SLC38A8: variants seen among roughly 807,000 people sequenced by gnomAD.
SLC38A8 encodes amino acid transporter SLC38A8.
A neutral mutation model predicts 46.0 loss-of-function variants in SLC38A8; 65 were observed. That is an observed-to-expected ratio of 1.41 (90% CI 1.16 to 1.74). SLC38A8 has a LOEUF of 1.74. SLC38A8 is among the 40% of genes most tolerant of loss of function. The probability of loss-of-function intolerance (pLI) is 0.00; values close to 1 mark genes in which losing one functional copy is unlikely to be tolerated. For missense variants in SLC38A8, 998 were observed against 567.9 expected (o/e 1.76, Z -7.70); for synonymous variants, 447 against 243.7 (o/e 1.83, Z -7.77).
At chr16:84,024,837 G>A (rs560936970) in intron 6 of SLC38A8, among the ~76,000 whole-genome samples, 45 of 152,090 alleles carry the variant, frequency 3.0e-4, no homozygotes, top group Middle Eastern at 3.4e-3. Context: ...TTACAGGCAC[G>A]CCCAGCTAAT....
At chr16:84,025,898 G>T (rs1027260143) in intron 6 of SLC38A8, among the ~76,000 whole-genome samples, 1 of 152,204 alleles carries the variant, frequency 6.6e-6, no homozygotes, top group African/African-American at 2.4e-5. Context: ...GGAGGGCTCT[G>T]CCAGCAGGGG....
At chr16:84,027,722 G>A (rs930270449) in intron 6 of SLC38A8, among the ~76,000 whole-genome samples, 1 of 152,126 alleles carries the variant, frequency 6.6e-6, no homozygotes, top group African/African-American at 2.4e-5. Flanking sequence ...CTTCATCTCG[G>A]CATCCCGTGT....
chr16:84,032,542 C>G (rs1156645358), intron 4 of SLC38A8, among the ~76,000 whole-genome samples: 2 of 152,158 alleles, frequency 1.3e-5, no homozygotes, highest in Non-Finnish European at 2.9e-5. Context: ...AATAGTGTTT[C>G]CTTCCCACCA....
Position 84,026,069 on chromosome 16 carries a change from G to C in SLC38A8, c.691-3180C>G, listed in dbSNP as rs565039621. On this transcript the variant is annotated intron_variant, in intron 6 of 10. Coordinates refer to ENST00000299709, the MANE Select transcript of SLC38A8 (RefSeq NM_001080442.3). ...CAGGCTCTGCCTTCAGGGCACGGCA[G>C]ATGCCCCGAGGTGGGGAGTCCCCGA... 2.6e-5 allele frequency among the ~76,000 whole-genome samples: 4 copies of C among 152,372 alleles called. No individual in the cohort carries two copies. In the South Asian group the frequency reaches 6.2e-4, roughly 24 times the overall value.
chr16:84,016,638 A>G lies in SLC38A8; in HGVS notation c.1043T>C (p.Met348Thr), dbSNP rs2085029638. Residue 348 changes from methionine to threonine, a missense_variant, in exon 9 of 11, where the codon ATG becomes ACG. By Grantham distance (81) the Met-to-Thr change is moderately conservative (BLOSUM62 -1). Transcript: ENST00000299709. ...LADPSGLWVR[M>T]PLTILWVTVT... ...GGTGACCCACAGGATGGTCAGCGGCATCCGGACCCACAGCCCTGAGGGGTC... is the reference window on the plus strand; with the variant it reads ...GGTGACCCACAGGATGGTCAGCGGCGTCCGGACCCACAGCCCTGAGGGGTC... 1.9e-6 allele frequency: 3 copies of G among 1,613,918 alleles called. No individual in the cohort carries two copies. The East Asian group carries it at 6.7e-5, about 36-fold the overall frequency.
intron 6 of SLC38A8, among the ~76,000 whole-genome samples, chr16:84,028,579 A>AC (rs1282205702): frequency 6.6e-6 from 1 of 151,194 alleles, no homozygotes; most frequent in Non-Finnish European, 1.5e-5. Flanking sequence ...AGAAAAAAAA[A>AC]AAAAGAAAGA....
intron 7 of SLC38A8, among the ~76,000 whole-genome samples, chr16:84,017,821 G>T (rs566441653): frequency 1.4e-4 from 21 of 152,278 alleles, no homozygotes; most frequent in Admixed American, 2.6e-4. Context: ...CTGAGAGATA[G>T]GTCTCTAAGA....
intron 3 of SLC38A8, among the ~76,000 whole-genome samples, chr16:84,034,525 T>G (rs1217244347): frequency 2.0e-5 from 3 of 152,088 alleles, no homozygotes; most frequent in Non-Finnish European, 2.9e-5. Context: ...CTGCAACCAC[T>G]GGAGATGGGA....
At chr16:84,025,190 G>A (rs983599748) in intron 6 of SLC38A8, among the ~76,000 whole-genome samples, 1 of 152,112 alleles carries the variant, frequency 6.6e-6, no homozygotes, top group African/African-American at 2.4e-5. Flanking sequence ...TGGGTTCAGG[G>A]TTCTTCCCAG....
intron 7 of SLC38A8, among the ~76,000 whole-genome samples, chr16:84,018,095 T>G (rs1454882196): frequency 2.0e-5 from 3 of 152,096 alleles, no homozygotes; most frequent in Non-Finnish European, 4.4e-5. Context: ...CTTCCTACAG[T>G]TATGAAGGCT....
chr16:84,031,965 G>T lies in SLC38A8; in HGVS notation c.534C>A (p.Ile178=), dbSNP rs764152099. 1.2e-6 allele frequency: 2 copies of T among 1,613,946 alleles called. No homozygotes were observed. Among genetic ancestry groups the T allele is most frequent in the Non-Finnish European group, 1.7e-6 (2 of 1,179,930 alleles). Residue 178 remains isoleucine, a synonymous_variant, in exon 5 of 11, where the codon ATC becomes ATA. Transcript: ENST00000299709. ...REIAFQKYTS[I]LGTLAACYLA... is the part of the protein sequence containing the mutation. ...GGTAACAGGCAGCCAGAGTGCCTAG[G>T]ATGCTAACACAGTGACCGTGTGAGG...
intron 2 of SLC38A8, 141 bp downstream of exon 2, chr16:84,041,828 A>T: frequency 1.3e-6 from 1 of 750,860 alleles, no homozygotes; most frequent in Non-Finnish European, 2.1e-6. Flanking sequence ...TCCCCTCATT[A>T]GCTGAGCGGG....
intron 6 of SLC38A8, among the ~76,000 whole-genome samples, chr16:84,025,359 G>A (rs994469375): frequency 1.4e-4 from 22 of 152,280 alleles, no homozygotes; most frequent in African/African-American, 4.8e-4. Flanking sequence ...TGCTACTGCT[G>A]GTCCCTCTGG....
chr16:84,039,294 A>G (rs1018546282), intron 2 of SLC38A8, among the ~76,000 whole-genome samples: 1 of 152,220 alleles, frequency 6.6e-6, no homozygotes. Flanking sequence ...TAGCAGCCCT[A>G]GGAAACAGAC....
chr16:84,030,044 G>A (rs2085219879), intron 5 of SLC38A8, among the ~76,000 whole-genome samples: 1 of 152,200 alleles, frequency 6.6e-6, no homozygotes, highest in South Asian at 2.1e-4. Flanking sequence ...AGGCTTTGCA[G>A]GTGTAATTAC....
At chr16:84,014,722 C>T (rs1355403985) in intron 9 of SLC38A8, among the ~76,000 whole-genome samples, 1 of 152,236 alleles carries the variant, frequency 6.6e-6, no homozygotes, top group Non-Finnish European at 1.5e-5. Flanking sequence ...TTTACGGGAG[C>T]TGGGGCAGGT....
At chr16:84,042,949 C>T (rs1239197809), upstream of SLC38A8, among the ~76,000 whole-genome samples, 1 of 152,200 alleles carries the variant, frequency 6.6e-6, no homozygotes, top group Non-Finnish European at 1.5e-5. Context: ...GGGGAGCAGG[C>T]ACCATGATCT....
At chr16:84,021,037 C>T (rs1333901515) in intron 7 of SLC38A8, among the ~76,000 whole-genome samples, 9 of 152,080 alleles carry the variant, frequency 5.9e-5, no homozygotes, top group East Asian at 5.8e-4. Context: ...ATATCTCTTC[C>T]GCCAGATACC....
At chr16:84,013,435 T>TTTTTTTTTTTTTGTTG (rs2084981025) in intron 9 of SLC38A8, among the ~76,000 whole-genome samples, 3 of 130,696 alleles carry the variant, frequency 2.3e-5, no homozygotes, top group Non-Finnish European at 4.8e-5. Flanking sequence ...TTTTTTTTTT[T>TTTTTTTTTTTTTGTTG]TTTTTTTTTT....
Sources: allele counts gnomAD v4.1 joint callset (sites outside exome capture counted in the v4.1 genomes callset), GRCh38; gene constraint gnomAD v4.1.1; transcripts MANE v1.5; gene names NCBI Gene and HGNC (gene_info 2026-07-23, HGNC 2026-07-21).